Variants in ROBO1 observed in about 807,000 individuals in gnomAD.
ROBO1 encodes the protein roundabout guidance receptor 1.
A neutral mutation model predicts 195.9 loss-of-function variants in ROBO1; 149 were observed. The ratio of observed to expected loss-of-function variants is 0.76; its 90% CI spans 0.67 to 0.87. The LOEUF is 0.87. Among genes scored for constraint, ROBO1 ranks in the 40% least tolerant of loss-of-function variants. The pLI is 0.00. For synonymous variants in ROBO1, 816 were observed against 733.2 expected, an observed-to-expected ratio of 1.11 and a Z score of -1.82; for missense variants, 1,933 against 2,068.3, an observed-to-expected ratio of 0.93 and a Z score of 1.27.
intron 2 of ROBO1, among the ~76,000 whole-genome samples, chr3:79,488,581 C>T (rs181541530): frequency 3.3e-5 from 5 of 152,088 alleles, no homozygotes; most frequent in Admixed American, 2.0e-4. Context: ...CCAAAGTACT[C>T]GTCTATGGTA....
intron 14 of ROBO1, among the ~76,000 whole-genome samples, chr3:78,667,031 A>AT (rs898735430): frequency 7.9e-5 from 12 of 152,130 alleles, no homozygotes; most frequent in Admixed American, 3.9e-4. Context: ...CAATGACGTG[A>AT]TTTTTTTCCA....
chr3:79,003,238 G>A (rs1347592093), intron 3 of ROBO1, among the ~76,000 whole-genome samples: 1 of 152,036 alleles, frequency 6.6e-6, no homozygotes, highest in African/African-American at 2.4e-5. Context: ...TCAAATTAAC[G>A]CTGAATTTTC....
chr3:79,577,717 A>AACACACACACACACACAC (rs58998352), intron 2 of ROBO1, among the ~76,000 whole-genome samples: 13 of 140,718 alleles, frequency 9.2e-5, no homozygotes, highest in African/African-American at 3.4e-4. Context: ...CTTTACTAAA[A>AACACACACACACACACAC]ACACACACAC....
chr3:78,861,993 TC>T (rs1347320388), intron 4 of ROBO1, among the ~76,000 whole-genome samples: 6 of 152,094 alleles, frequency 3.9e-5, no homozygotes, highest in African/African-American at 1.2e-4. Flanking sequence ...TATGCCTTAA[TC>T]CCTAGAACAC....
At chr3:79,584,719 G>A (rs186271460) in intron 2 of ROBO1, among the ~76,000 whole-genome samples, 1 of 150,474 alleles carries the variant, frequency 6.6e-6, no homozygotes, top group African/African-American at 2.4e-5. Flanking sequence ...GGGATGTGGG[G>A]AATGTGATTA....
chr3:79,598,023 CTAAT>C lies in ROBO1; in HGVS notation c.-50-8066_-50-8063del, dbSNP rs369554309. 4.7e-3 allele frequency among the ~76,000 whole-genome samples: 709 copies of C among 151,956 alleles called. 7 individuals carry two copies. Among genetic ancestry groups the C allele is most frequent in the Middle Eastern group, 0.034 (10 of 294 alleles). ...AAGCTTCTGTTCATTTCATGAAAGA[CTAAT>C]TAATTCTCATCACACTTTCAGGATA... On this transcript the variant is annotated intron_variant, in intron 1 of 30. Transcript: ENST00000464233.
At chr3:79,226,805 C>T (rs144616407) in intron 2 of ROBO1, among the ~76,000 whole-genome samples, 22 of 152,218 alleles carry the variant, frequency 1.4e-4, no homozygotes, top group African/African-American at 5.1e-4. Context: ...CCTTGGCCTC[C>T]CGAAGTGCTG....
chr3:79,309,400 T>C (rs1438241742), intron 2 of ROBO1, among the ~76,000 whole-genome samples: 1 of 151,950 alleles, frequency 6.6e-6, no homozygotes, highest in Non-Finnish European at 1.5e-5. Flanking sequence ...GAAACCCCCA[T>C]CTTGCCCCGT....
intron 10 of ROBO1, among the ~76,000 whole-genome samples, chr3:78,683,171 C>T (rs2080970891): frequency 6.6e-6 from 1 of 151,790 alleles, no homozygotes; most frequent in Non-Finnish European, 1.5e-5. Flanking sequence ...TCATGAAACA[C>T]CTAGGTATAA....
At chr3:79,502,679 G>A (rs976463092) in intron 2 of ROBO1, among the ~76,000 whole-genome samples, 15 of 152,002 alleles carry the variant, frequency 9.9e-5, no homozygotes, top group African/African-American at 3.4e-4. Flanking sequence ...GGCCAGCTGG[G>A]CTCCTGAGTC....
At chr3:79,562,067 G>A (rs1559994714) in intron 2 of ROBO1, among the ~76,000 whole-genome samples, 4 of 152,084 alleles carry the variant, frequency 2.6e-5, no homozygotes, top group Admixed American at 2.6e-4. Flanking sequence ...TGTGGCCTTT[G>A]TGGACTAATT....
intron 1 of ROBO1, among the ~76,000 whole-genome samples, chr3:79,693,420 TG>T (rs1947353153): frequency 6.8e-6 from 1 of 147,390 alleles, no homozygotes. Flanking sequence ...TGTGTGTGTG[TG>T]TCCTTGTTTT....
intron 2 of ROBO1, among the ~76,000 whole-genome samples, chr3:79,149,003 A>C (rs564334552): frequency 6.6e-6 from 1 of 151,974 alleles, no homozygotes; most frequent in African/African-American, 2.4e-5. Flanking sequence ...TTGGGACTTA[A>C]CACTTGTTGG....
At chr3:78,944,984 G>A (rs995396232) in intron 3 of ROBO1, among the ~76,000 whole-genome samples, 3 of 152,208 alleles carry the variant, frequency 2.0e-5, no homozygotes, top group South Asian at 2.1e-4. Context: ...CGCCATTGCC[G>A]AGTTAGTTGT....
chr3:78,822,822 AGTAGAATATACTTTAT>A (rs2108687000), intron 4 of ROBO1, among the ~76,000 whole-genome samples: 1 of 152,338 alleles, frequency 6.6e-6, no homozygotes, highest in South Asian at 2.1e-4. Context: ...TTACAAATTG[AGTAGAATATACTTTAT>A]TCATGCACAA....
intron 2 of ROBO1, among the ~76,000 whole-genome samples, chr3:79,385,391 G>A (rs2036704992): frequency 6.6e-6 from 1 of 152,124 alleles, no homozygotes; most frequent in Non-Finnish European, 1.5e-5. Flanking sequence ...GCCTGGAGCT[G>A]AAGAGTATGG....
intron 4 of ROBO1, among the ~76,000 whole-genome samples, chr3:78,866,690 T>C (rs567328430): frequency 1.1e-4 from 17 of 152,340 alleles, no homozygotes; most frequent in South Asian, 2.1e-4. Flanking sequence ...GTTTAGTAAG[T>C]ATTCACATAA....
At chr3:79,525,363 CTGAT>C (rs1227831959) in intron 2 of ROBO1, among the ~76,000 whole-genome samples, 1 of 149,332 alleles carries the variant, frequency 6.7e-6, no homozygotes, top group African/African-American at 2.4e-5. Flanking sequence ...ACTCATTGTA[CTGAT>C]TGTTATTGAA....
chr3:79,433,855 T>C (rs2038781005), intron 2 of ROBO1, among the ~76,000 whole-genome samples: 1 of 152,100 alleles, frequency 6.6e-6, no homozygotes, highest in African/African-American at 2.4e-5. Flanking sequence ...AAAACAGAGA[T>C]ATAGACCAAT....
Sources: allele counts gnomAD v4.1 joint callset (sites outside exome capture counted in the v4.1 genomes callset), GRCh38; gene constraint gnomAD v4.1.1; transcripts MANE v1.5; gene names NCBI Gene and HGNC (gene_info 2026-07-23, HGNC 2026-07-21).